TENM2: variants seen among roughly 807,000 people sequenced by gnomAD.
TENM2 encodes the protein teneurin transmembrane protein 2, also known as teneurin-2.
Under a neutral mutation model 245.2 loss-of-function variants are expected in TENM2, and 52 were observed. The observed-to-expected ratio is 0.21, with a 90% CI of 0.17 to 0.27. The LOEUF is 0.27. Among genes scored for constraint, TENM2 ranks in the 10% least tolerant of loss-of-function variants. The pLI, the probability that TENM2 is intolerant of heterozygous loss-of-function variation, is 1.00. For synonymous variants in TENM2, 1,363 were observed against 1,438.9 expected (o/e 0.95, Z 1.19); for missense variants, 3,046 against 3,666.8 (o/e 0.83, Z 4.37).
intron 1 of TENM2, among the ~76,000 whole-genome samples, chr5:167,368,797 C>T (rs1008080517): frequency 5.9e-5 from 9 of 152,202 alleles, no homozygotes; most frequent in African/African-American, 2.2e-4. Context: ...GAACCCTCCC[C>T]TACCCCCACC....
chr5:167,333,596 A>G (rs906802880), intron 1 of TENM2, among the ~76,000 whole-genome samples: 2 of 152,216 alleles, frequency 1.3e-5, no homozygotes, highest in Non-Finnish European at 2.9e-5. Context: ...GGACAGGCAA[A>G]TGGCAACACT....
At chr5:167,565,955 T>C (rs891884068) in intron 2 of TENM2, among the ~76,000 whole-genome samples, 4 of 152,192 alleles carry the variant, frequency 2.6e-5, no homozygotes, top group African/African-American at 4.8e-5. Flanking sequence ...TTGTTGTTGT[T>C]GTTTAAGCCC....
chr5:167,890,852 T>TG (rs1194624201), intron 3 of TENM2, among the ~76,000 whole-genome samples: 1 of 152,230 alleles, frequency 6.6e-6, no homozygotes, highest in Non-Finnish European at 1.5e-5. Flanking sequence ...ATCTCCATGT[T>TG]GGCACACCAT....
intron 2 of TENM2, among the ~76,000 whole-genome samples, chr5:167,405,265 C>T (rs908873906): frequency 1.3e-5 from 2 of 151,612 alleles, no homozygotes; most frequent in Admixed American, 6.6e-5. Flanking sequence ...GTATGATTTC[C>T]GAATAGCATG....
intron 23 of TENM2, 74 bp from the exon 26 acceptor site, chr5:168,226,014 T>C: frequency 1.4e-6 from 2 of 1,405,004 alleles, no homozygotes; most frequent in Non-Finnish European, 1.9e-6. Flanking sequence ...TCTGGCCCTG[T>C]GAGTCTTGGG....
At chr5:167,123,886 T>A in the TENM2 span, among the ~76,000 whole-genome samples, 1 of 152,346 alleles carries the variant, frequency 6.6e-6, no homozygotes, top group Non-Finnish European at 1.5e-5. Context: ...CTTTTAACAT[T>A]GGCAATACAT....
At chr5:167,370,808 A>G (rs887778125) in intron 1 of TENM2, among the ~76,000 whole-genome samples, 4 of 152,228 alleles carry the variant, frequency 2.6e-5, no homozygotes, top group Non-Finnish European at 1.5e-5. Context: ...TCTGAAAGAT[A>G]GTAAAGAAGA....
At chr5:167,408,787 T>G (rs1323659742) in intron 2 of TENM2, among the ~76,000 whole-genome samples, 1 of 150,390 alleles carries the variant, frequency 6.6e-6, no homozygotes, top group Non-Finnish European at 1.5e-5. Context: ...CCCAAAATCT[T>G]ATACATATAT....
intron 2 of TENM2, among the ~76,000 whole-genome samples, chr5:167,705,966 TA>T (rs1244616331): frequency 1.4e-5 from 1 of 71,340 alleles, no homozygotes; most frequent in Admixed American, 1.5e-4. Flanking sequence ...AAGGCTGGGT[TA>T]TATATATATA....
At chr5:166,983,414 C>T in the TENM2 span, among the ~76,000 whole-genome samples, 5 of 152,118 alleles carry the variant, frequency 3.3e-5, no homozygotes, top group African/African-American at 9.6e-5. Context: ...TATAGAATTA[C>T]GAGCCTTTCA....
At chr5:167,849,142 C>T in intron 2 of TENM2, among the ~76,000 whole-genome samples, 1 of 152,120 alleles carries the variant, frequency 6.6e-6, no homozygotes, top group East Asian at 1.9e-4. Flanking sequence ...TTGCCTTTTC[C>T]AGCTTTTATA....
intron 12 of TENM2, among the ~76,000 whole-genome samples, chr5:168,135,000 CT>C (rs1754921422): frequency 6.6e-6 from 1 of 152,236 alleles, no homozygotes; most frequent in South Asian, 2.1e-4. Flanking sequence ...CCTGTCTCTC[CT>C]TTTCTTACTT....
intron 2 of TENM2, among the ~76,000 whole-genome samples, chr5:167,690,358 A>G (rs1313341066): frequency 6.6e-6 from 1 of 152,146 alleles, no homozygotes; most frequent in Admixed American, 6.5e-5. Flanking sequence ...TTGGCACACA[A>G]TGAGAAAGAA....
intron 1 of TENM2, among the ~76,000 whole-genome samples, chr5:167,305,454 T>G (rs1755616682): frequency 6.6e-6 from 1 of 152,160 alleles, no homozygotes; most frequent in Admixed American, 6.5e-5. Context: ...AGCCTCAGAT[T>G]TTAGAACATC....
At chr5:168,010,322 A>G (rs17069579) in intron 5 of TENM2, among the ~76,000 whole-genome samples, 23,897 of 152,214 alleles carry the variant, frequency 0.16, 2,065 homozygotes, top group Admixed American at 0.26. Flanking sequence ...ATTGTGTGAG[A>G]GTTGTAAGAC....
At chr5:167,197,939 G>A in the TENM2 span, among the ~76,000 whole-genome samples, 1 of 151,470 alleles carries the variant, frequency 6.6e-6, no homozygotes, top group South Asian at 2.1e-4. Context: ...AGGGAGGGAG[G>A]GAGAGAGGAT....
At chr5:168,208,909 G>A (rs1762581038) in intron 19 of TENM2, among the ~76,000 whole-genome samples, 1 of 152,132 alleles carries the variant, frequency 6.6e-6, no homozygotes, top group Non-Finnish European at 1.5e-5. Context: ...GCAAAGTTTA[G>A]AAAAGCCAAT....
chr5:168,090,872 T>C lies in TENM2; in HGVS notation c.1711+103T>C, dbSNP rs548961841. 26 of 1,012,396 alleles carry C rather than the reference T, an allele frequency of 2.6e-5. No individual in the cohort carries two copies. The South Asian group carries it at 3.8e-4, about 15-fold the overall frequency. The allele number at this position is 1,012,396 out of a possible 1,614,324, so 62.7% of individuals were successfully genotyped here. On this transcript the variant is annotated intron_variant, in intron 8 of 28. Transcript: ENST00000518659. ...CTTCTAAGGTAGTTTCTACTACAGA[T>C]GACAACCAACCAGGATCCTTTGTTT...
At chr5:167,050,436 A>G in the TENM2 span, among the ~76,000 whole-genome samples, 1 of 152,204 alleles carries the variant, frequency 6.6e-6, no homozygotes, top group Non-Finnish European at 1.5e-5. Context: ...TCTCCCATGA[A>G]GCTGATCCCT....
Sources: gnomAD v4.1 joint callset for allele counts (sites outside exome capture counted in the v4.1 genomes callset) on GRCh38, gnomAD v4.1.1 for gene constraint, MANE v1.5 for transcripts, NCBI Gene and HGNC (gene_info 2026-07-23, HGNC 2026-07-21) for gene names.